The following RAMP3 variants were observed in gnomAD, a reference collection of about 807,000 sequenced individuals.
The protein encoded by RAMP3 is receptor activity modifying protein 3, also known as receptor activity-modifying protein 3.
RAMP3 carries 14 observed loss-of-function variants against 13.5 expected under a neutral mutation model. The ratio of observed to expected loss-of-function variants is 1.04; its 90% confidence interval spans 0.69 to 1.63. The LOEUF is 1.63. RAMP3 is among the 40% of genes most tolerant of loss of function. The pLI, the probability that RAMP3 is intolerant of heterozygous loss-of-function variation, is 0.00. For missense variants in RAMP3, 200 were observed against 204.8 expected, an observed-to-expected ratio of 0.98 and a Z score of 0.14; for synonymous variants, 106 against 88.3, an observed-to-expected ratio of 1.20 and a Z score of -1.12.
chr7:45,158,168 T>TC (rs914960217), intron 1 of RAMP3, among the ~76,000 whole-genome samples: 9 of 152,004 alleles, frequency 5.9e-5, no homozygotes, highest in African/African-American at 2.2e-4. Flanking sequence ...AGTTGTGATG[T>TC]CCCCCCACGC....
intron 1 of RAMP3, among the ~76,000 whole-genome samples, chr7:45,160,204 T>A (rs961235833): frequency 6.6e-6 from 1 of 151,236 alleles, no homozygotes; most frequent in African/African-American, 2.4e-5. Flanking sequence ...TGGTGGTGCA[T>A]ACCTGTAGTC....
At chr7:45,168,618 C>A (rs1786019686) in intron 1 of RAMP3, among the ~76,000 whole-genome samples, 1 of 151,784 alleles carries the variant, frequency 6.6e-6, no homozygotes, top group Admixed American at 6.6e-5. Context: ...TTGTATCCTG[C>A]AACTTTGCTG....
intron 1 of RAMP3, among the ~76,000 whole-genome samples, chr7:45,164,539 GA>G (rs35150121): frequency 0.01 from 1,499 of 148,698 alleles, 25 homozygotes; most frequent in African/African-American, 0.035. Context: ...TGTCTCAAAA[GA>G]AAAAAAAAAG....
chr7:45,181,655 C>T lies in RAMP3; in HGVS notation c.192-1502C>T, dbSNP rs767756316. On this transcript the variant is annotated intron_variant, in intron 2 of 2. Transcript: ENST00000242249. ...GCTCCCCAGCTCCTGGATCAGCTGG[C>T]GGGGGGTTGGGGTGGACAGCAGGCT... is the stretch of plus-strand genomic sequence containing the variant. 3.8e-4 allele frequency among the ~76,000 whole-genome samples: 58 copies of T among 152,022 alleles called. 1 individual carries two copies. The highest frequency in any genetic ancestry group is 6.5e-5 in the Admixed American group (1 of 15,272).
At chr7:45,165,184 A>G (rs1785936912) in intron 1 of RAMP3, among the ~76,000 whole-genome samples, 1 of 152,040 alleles carries the variant, frequency 6.6e-6, no homozygotes, top group African/African-American at 2.4e-5. Flanking sequence ...TCTTTAATTC[A>G]TCAATCTGTC....
chr7:45,167,322 G>T (rs373550672), intron 1 of RAMP3, among the ~76,000 whole-genome samples: 1 of 152,164 alleles, frequency 6.6e-6, no homozygotes, highest in Non-Finnish European at 1.5e-5. Context: ...TCTTTGGCAA[G>T]TGTATATCCA....
In RAMP3 at chr7:45,178,279, A is replaced by G. The variant is rs546350196; in HGVS notation, c.191+838A>G. ...GTCCCCTTGTTCTAGAAGCTTCCCA[A>G]GCTTTTCATCTCCTTACCTCCTTGG... On this transcript the variant is annotated intron_variant, in intron 2 of 2. Coordinates refer to ENST00000242249, the MANE Select transcript of RAMP3 (RefSeq NM_005856.3). 2.6e-5 allele frequency among the ~76,000 whole-genome samples: 4 copies of G among 152,204 alleles called. No individual in the cohort carries two copies. The South Asian group carries it at 6.2e-4, about 24-fold the overall frequency.
At chr7:45,180,656 A>G (rs1786287425) in intron 2 of RAMP3, among the ~76,000 whole-genome samples, 1 of 152,238 alleles carries the variant, frequency 6.6e-6, no homozygotes, top group Non-Finnish European at 1.5e-5. Context: ...GGGATTTCCA[A>G]ATGCAACACT....
intron 1 of RAMP3, among the ~76,000 whole-genome samples, chr7:45,160,533 A>G (rs185437679): frequency 6.6e-6 from 1 of 151,842 alleles, no homozygotes; most frequent in Admixed American, 6.6e-5. Flanking sequence ...CAGGGGCAGA[A>G]CCGCCCAGAA....
chr7:45,177,437 A>G lies in RAMP3; in HGVS notation c.187A>G (p.Ile63Val), dbSNP rs544419389. The G allele has an allele frequency of 1.9e-6, 3 of 1,614,048 alleles. No individual in the cohort carries two copies. Among genetic ancestry groups the G allele is most frequent in the Admixed American group, 3.3e-5 (2 of 60,028 alleles). Residue 63 changes from isoleucine to valine, a missense_variant, in exon 2 of 3, where the codon ATC becomes GTC. Transcript: ENST00000242249. ...GAAGTGGTGCAACCTGTCCGAGTTC[A>G]TCGTGTGAGTGCCACTGCTGGGCGT... ...VWKWCNLSEF[I>V]VYYESFTNCT...
intron 2 of RAMP3, among the ~76,000 whole-genome samples, chr7:45,179,175 T>C (rs545807234): frequency 1.5e-3 from 229 of 152,222 alleles, no homozygotes; most frequent in African/African-American, 5.0e-3. Context: ...TGATACGCAT[T>C]ATCTTTTGCC....
chr7:45,159,767 G>A (rs926430541), intron 1 of RAMP3, among the ~76,000 whole-genome samples: 5 of 152,230 alleles, frequency 3.3e-5, no homozygotes, highest in African/African-American at 1.2e-4. Context: ...GCATGGGATT[G>A]TGGGGTGGAA....
At chr7:45,159,259 C>A (rs1292278871) in intron 1 of RAMP3, among the ~76,000 whole-genome samples, 1 of 152,208 alleles carries the variant, frequency 6.6e-6, no homozygotes, top group East Asian at 1.9e-4. Context: ...TCTCAGCAGA[C>A]CCTCCCAGTG....
chr7:45,175,301 T>C (rs1418354583), intron 1 of RAMP3, among the ~76,000 whole-genome samples: 2 of 152,188 alleles, frequency 1.3e-5, no homozygotes, highest in Non-Finnish European at 2.9e-5. Flanking sequence ...TCACCCAGCC[T>C]GTGTCCTTGC....
At chr7:45,159,453 A>C (rs1016055006) in intron 1 of RAMP3, among the ~76,000 whole-genome samples, 1 of 152,226 alleles carries the variant, frequency 6.6e-6, no homozygotes, top group African/African-American at 2.4e-5. Context: ...GGGAGGGTGC[A>C]GGCCTCTGGG....
chr7:45,180,761 G>T (rs997654166), intron 2 of RAMP3, among the ~76,000 whole-genome samples: 74 of 152,316 alleles, frequency 4.9e-4, no homozygotes, highest in African/African-American at 1.6e-3. Context: ...TGACTGGGGG[G>T]TTTGCCCGGC....
At chr7:45,165,013 C>G (rs1192573372) in intron 1 of RAMP3, among the ~76,000 whole-genome samples, 3 of 152,098 alleles carry the variant, frequency 2.0e-5, no homozygotes, top group Non-Finnish European at 2.9e-5. Flanking sequence ...CTTTTCCTCT[C>G]TTTTCTCCTT....
chr7:45,173,607 C>T (rs980234601), intron 1 of RAMP3, among the ~76,000 whole-genome samples: 1 of 152,168 alleles, frequency 6.6e-6, no homozygotes, highest in Admixed American at 6.5e-5. Flanking sequence ...TTTTTACGTC[C>T]AAGTTTCCCA....
rs1786316128 is a variant in RAMP3, at chr7:45,181,581, A to G, written c.192-1576A>G. On this transcript the variant is annotated intron_variant, in intron 2 of 2. Coordinates refer to ENST00000242249, the MANE Select transcript of RAMP3 (RefSeq NM_005856.3). ...CATGTGATTCTCATCACACACATAG[A>G]TGCTGGGAACTTCTGAAGGTGAAGG... Among the ~76,000 whole-genome samples the G allele has an allele frequency of 1.3e-5, 2 of 152,130 alleles. 1 individual carries two copies. Among genetic ancestry groups the G allele is most frequent in the South Asian group, 4.1e-4 (2 of 4,826 alleles).
Sources: allele counts gnomAD v4.1 joint callset (sites outside exome capture counted in the v4.1 genomes callset), GRCh38; gene constraint gnomAD v4.1.1; transcripts MANE v1.5; gene names NCBI Gene and HGNC (gene_info 2026-07-23, HGNC 2026-07-21).